Variants in ZNF469 observed in about 807,000 individuals in gnomAD.
ZNF469 encodes the protein zinc finger protein 469.
In ZNF469, 1 loss-of-function variant was observed where a neutral mutation model predicts 1.0. The observed-to-expected ratio is 1.00, with a 90% CI of 0.35 to 4.73. The LOEUF (loss-of-function observed/expected upper bound fraction) is 4.73. Ranked by LOEUF, ZNF469 falls within the 30% of genes most tolerant of loss-of-function variation. The pLI, the probability that ZNF469 is intolerant of heterozygous loss-of-function variation, is 0.16. For missense variants in ZNF469, 6,100 were observed against 5,356.3 expected (o/e 1.14, Z -4.33); for synonymous variants, 2,703 against 2,363.4 (o/e 1.14, Z -4.17).
chr16:88,117,563 C>T, the ZNF469 span, among the ~76,000 whole-genome samples: 32 of 152,266 alleles, frequency 2.1e-4, no homozygotes, highest in Middle Eastern at 0.014. Context: ...GGAAGTGTCA[C>T]GTGCCTTCAC....
chr16:88,397,040 A>AAGGGAGGCCGGGAGGAGACCCTCC (rs1904703383), intron 1 of ZNF469, among the ~76,000 whole-genome samples: 5 of 96,024 alleles, frequency 5.2e-5, no homozygotes, highest in Non-Finnish European at 1.2e-4. Context: ...GGAGACCCTC[A>AAGGGAGGCCGGGAGGAGACCCTCC]TGAAGACAGG....
chr16:88,239,701 A>G, the ZNF469 span, among the ~76,000 whole-genome samples: 1 of 8,668 alleles, frequency 1.2e-4, no homozygotes, highest in Non-Finnish European at 1.7e-4. Context: ...ATATATATAT[A>G]TATATATATA....
the ZNF469 span, among the ~76,000 whole-genome samples, chr16:88,206,456 C>T: frequency 2.3e-4 from 35 of 152,300 alleles, no homozygotes; most frequent in African/African-American, 7.2e-4. Context: ...TTCATAACCG[C>T]AGCTCAGTTT....
intron 1 of ZNF469, among the ~76,000 whole-genome samples, chr16:88,414,915 C>T (rs1905265287): frequency 6.6e-6 from 1 of 152,230 alleles, no homozygotes. Flanking sequence ...CCTCCAGTTT[C>T]CAGCTGCCCA....
chr16:88,297,668 C>G, the ZNF469 span, among the ~76,000 whole-genome samples: 1 of 152,160 alleles, frequency 6.6e-6, no homozygotes, highest in Admixed American at 6.5e-5. Flanking sequence ...TCTGTCCCCA[C>G]GCACCCTCTC....
chr16:88,167,269 C>T, the ZNF469 span, among the ~76,000 whole-genome samples: 11 of 152,090 alleles, frequency 7.2e-5, no homozygotes, highest in South Asian at 6.2e-4. Flanking sequence ...ACCATGTTGG[C>T]CAGAATGGTC....
chr16:88,245,035 CA>C, the ZNF469 span, among the ~76,000 whole-genome samples: 4 of 151,996 alleles, frequency 2.6e-5, no homozygotes, highest in African/African-American at 7.3e-5. Context: ...CACTCCTGAG[CA>C]GCAGGACACA....
the ZNF469 span, among the ~76,000 whole-genome samples, chr16:88,245,170 G>T: frequency 6.6e-6 from 1 of 152,220 alleles, no homozygotes; most frequent in Non-Finnish European, 1.5e-5. Flanking sequence ...AGGGGATCAA[G>T]TCCTTCCTGA....
chr16:88,109,217 G>A, the ZNF469 span, among the ~76,000 whole-genome samples: 1 of 152,160 alleles, frequency 6.6e-6, no homozygotes, highest in Non-Finnish European at 1.5e-5. Flanking sequence ...ACCCACAGAG[G>A]GTCTCTCTTC....
At chr16:88,324,890 A>G in the ZNF469 span, among the ~76,000 whole-genome samples, 5 of 152,114 alleles carry the variant, frequency 3.3e-5, no homozygotes, top group Non-Finnish European at 5.9e-5. Flanking sequence ...TTATAAAGAA[A>G]AGAGGGTTGG....
At chr16:88,250,903 G>A in the ZNF469 span, among the ~76,000 whole-genome samples, 1 of 152,014 alleles carries the variant, frequency 6.6e-6, no homozygotes, top group Non-Finnish European at 1.5e-5. Context: ...TTTGAGATGG[G>A]GTATTGCTCT....
At chr16:88,164,016 G>T in the ZNF469 span, among the ~76,000 whole-genome samples, 3 of 151,624 alleles carry the variant, frequency 2.0e-5, no homozygotes, top group African/African-American at 7.3e-5. Flanking sequence ...TGGATGGGTA[G>T]ATGGATGAAT....
chr16:88,434,373 G>A lies in ZNF469; in HGVS notation c.6903G>A (p.Arg2301=). 2 of 1,550,010 alleles carry A rather than the reference G, an allele frequency of 1.3e-6. No individual in the cohort carries two copies. Among genetic ancestry groups the A allele is most frequent in the Non-Finnish European group, 1.7e-6 (2 of 1,146,930 alleles). ...CCGGAGATGAGGCACAGGCAGGCAGGGGACTCCCAGGGCCAGACCCCCAGA... is the reference window on the plus strand; with the variant it reads ...CCGGAGATGAGGCACAGGCAGGCAGAGGACTCCCAGGGCCAGACCCCCAGA... ...TPTGDEAQAG[R]GLPGPDPQSR... Residue 2301 remains arginine, a synonymous_variant, in exon 3 of 3, where the codon AGG becomes AGA. Transcript: ENST00000565624.
chr16:88,264,779 C>T, the ZNF469 span, among the ~76,000 whole-genome samples: 4 of 150,880 alleles, frequency 2.7e-5, no homozygotes, highest in Non-Finnish European at 4.4e-5. Flanking sequence ...TGGGCTTTGG[C>T]GCAACCCTAG....
At chr16:88,299,561 G>A in the ZNF469 span, among the ~76,000 whole-genome samples, 240 of 152,280 alleles carry the variant, frequency 1.6e-3, 1 homozygote, top group African/African-American at 5.6e-3. Context: ...GTGGCTTCTG[G>A]GAGTCATAGC....
chr16:88,372,306 G>C, the ZNF469 span, among the ~76,000 whole-genome samples: 4 of 5,808 alleles, frequency 6.9e-4, no homozygotes, highest in African/African-American at 1.2e-3. Context: ...CCATCACCAT[G>C]ATTACCACCA....
the ZNF469 span, among the ~76,000 whole-genome samples, chr16:88,136,433 G>C: frequency 1.8e-4 from 27 of 152,360 alleles, 1 homozygote; most frequent in East Asian, 4.2e-3. Flanking sequence ...CTCCGGCTTG[G>C]CCAGGAGGCT....
At chr16:88,393,049 G>A (rs1284392414) in intron 1 of ZNF469, among the ~76,000 whole-genome samples, 3 of 152,394 alleles carry the variant, frequency 2.0e-5, no homozygotes, top group African/African-American at 7.2e-5. Context: ...TGTGTGGGTG[G>A]GTTGGTCTCT....
chr16:88,404,406 G>A (rs1288087810), intron 1 of ZNF469, among the ~76,000 whole-genome samples: 11 of 152,246 alleles, frequency 7.2e-5, no homozygotes, highest in Admixed American at 1.3e-4. Flanking sequence ...TCACCAGCAC[G>A]AGTGAGTTGC....
Sources: allele counts gnomAD v4.1 joint callset (sites outside exome capture counted in the v4.1 genomes callset), GRCh38; gene constraint gnomAD v4.1.1; transcripts MANE v1.5; gene names NCBI Gene and HGNC (gene_info 2026-07-23, HGNC 2026-07-21).